Variants in MYOM2 observed in about 807,000 individuals in gnomAD.
MYOM2 encodes the protein myomesin 2, also known as myomesin-2.
In MYOM2, 254 loss-of-function variants were observed where a neutral mutation model predicts 187.6. The ratio of observed to expected loss-of-function variants is 1.35; its 90% CI spans 1.22 to 1.50. The LOEUF is 1.50. MYOM2 is among the 40% of genes most tolerant of loss of function. The probability of loss-of-function intolerance (pLI) is 0.00; values close to 1 mark genes in which losing one functional copy is unlikely to be tolerated. For synonymous variants in MYOM2, 981 were observed against 753.8 expected (o/e 1.30, Z -4.94); for missense variants, 2,796 against 1,924.0 (o/e 1.45, Z -8.48).
chr8:2,111,904 T>C (rs1458678692), intron 25 of MYOM2, among the ~76,000 whole-genome samples: 2 of 152,264 alleles, frequency 1.3e-5, no homozygotes, highest in African/African-American at 4.8e-5. Context: ...CTGTGTGATC[T>C]ACATCTCTGA....
At chr8:2,127,946 A>G (rs970567966) in intron 31 of MYOM2, 1 of 152,328 alleles carries the variant, frequency 6.6e-6, no homozygotes, top group African/African-American at 2.4e-5. Flanking sequence ...CTTCACCATC[A>G]TAACAGTTTC....
chr8:2,101,077 G>A, intron 20 of MYOM2, 23 bp downstream of exon 20: 1 of 1,611,822 alleles, frequency 6.2e-7, no homozygotes, highest in Non-Finnish European at 8.5e-7. Flanking sequence ...CGGCTGTGGT[G>A]GCTCATGCCT....
Position 2,073,387 on chromosome 8 carries a change from G to A in MYOM2, c.1007G>A (p.Gly336Asp), listed in dbSNP as rs1398647322. ...TGGACGAAGATGTTCTTTGGAGAAGGCCAGGCCTCCCTGTCCTTCAGCCAC... is the reference window on the plus strand; with the variant it reads ...TGGACGAAGATGTTCTTTGGAGAAGACCAGGCCTCCCTGTCCTTCAGCCAC... ...SKWTKMFFGE[G>D]QASLSFSHLH... The change falls in exon 10 of 37, where the codon GGC becomes GAC. Residue 336 changes from glycine to aspartate, a missense_variant. Transcript: ENST00000262113. 1.2e-6 allele frequency: 2 copies of A among 1,613,342 alleles called. No homozygotes were observed. The highest frequency in any genetic ancestry group is 1.1e-5 in the South Asian group (1 of 90,908).
intron 32 of MYOM2, among the ~76,000 whole-genome samples, chr8:2,132,762 C>G (rs969350101): frequency 6.6e-6 from 1 of 152,184 alleles, no homozygotes; most frequent in African/African-American, 2.4e-5. Flanking sequence ...ATGCTTCAAA[C>G]TCCAAATGTG....
intron 6 of MYOM2, among the ~76,000 whole-genome samples, chr8:2,065,287 C>T (rs1415864466): frequency 6.6e-6 from 1 of 152,124 alleles, no homozygotes; most frequent in Non-Finnish European, 1.5e-5. Context: ...AAAGCCTTGG[C>T]AGGCCAGGCA....
intron 6 of MYOM2, among the ~76,000 whole-genome samples, chr8:2,062,406 G>A (rs146302206): frequency 0.019 from 2,941 of 152,302 alleles, 37 homozygotes; most frequent in Middle Eastern, 0.048. Flanking sequence ...GGGAGCAGGG[G>A]AGTGGGAAGA....
At chr8:2,117,460 C>G (rs573414468) in intron 27 of MYOM2, among the ~76,000 whole-genome samples, 6 of 152,154 alleles carry the variant, frequency 3.9e-5, no homozygotes, top group Non-Finnish European at 5.9e-5. Flanking sequence ...ACTGTTGTTT[C>G]TTTATCTCAT....
At chr8:2,116,144 T>C (rs759496947) in intron 26 of MYOM2, 40 bp downstream of exon 26, 2 of 1,603,736 alleles carry the variant, frequency 1.2e-6, no homozygotes, top group Non-Finnish European at 1.7e-6. Context: ...TACAAGATAA[T>C]TCAAATGAAA....
intron 6 of MYOM2, 57 bp from the exon 7 acceptor site, chr8:2,069,221 G>T (rs1354161753): frequency 3.3e-6 from 5 of 1,529,790 alleles, no homozygotes; most frequent in Non-Finnish European, 1.8e-6. Flanking sequence ...TGCAATTCGG[G>T]TCACTGACTT....
chr8:2,104,476 G>A (rs761567692), intron 21 of MYOM2, among the ~76,000 whole-genome samples: 1 of 151,982 alleles, frequency 6.6e-6, no homozygotes, highest in African/African-American at 2.4e-5. Flanking sequence ...ATGGTGTTGG[G>A]CGCCTGTAGT....
intron 17 of MYOM2, among the ~76,000 whole-genome samples, 197 bp downstream of exon 17, chr8:2,094,288 G>A (rs1796408163): frequency 6.6e-6 from 1 of 152,162 alleles, no homozygotes; most frequent in Admixed American, 6.5e-5. Flanking sequence ...AGGGAGAAAT[G>A]ATAATACACT....
chr8:2,060,462 G>A (rs1304901522), intron 6 of MYOM2, among the ~76,000 whole-genome samples: 2 of 152,144 alleles, frequency 1.3e-5, no homozygotes, highest in Non-Finnish European at 2.9e-5. Flanking sequence ...GCTTGTGTGT[G>A]TAGTCAGTTA....
At chr8:2,143,284 T>G in intron 35 of MYOM2, 117 bp from the exon 36 acceptor site, 1 of 1,161,428 alleles carries the variant, frequency 8.6e-7, no homozygotes, top group Non-Finnish European at 1.3e-6. Flanking sequence ...GCTCGCTCTC[T>G]CCTGAGCATA....
chr8:2,111,631 C>G (rs189932248), intron 25 of MYOM2, among the ~76,000 whole-genome samples: 1 of 152,296 alleles, frequency 6.6e-6, no homozygotes, highest in East Asian at 1.9e-4. Flanking sequence ...CCAAGGTCCA[C>G]GGGACGGTGT....
In MYOM2 at chr8:2,124,227, T is replaced by C. The variant is rs745692085; in HGVS notation, c.3694+10T>C. On this transcript the variant is annotated intron_variant, in intron 31 of 36. Transcript: ENST00000262113. Reference sequence around the variant, plus strand: ...ATGAGTAGAGTCTGTGGTAAGTAAATGCCTTTTAATTTTCAAGTCATTTGG... The same window carrying C: ...ATGAGTAGAGTCTGTGGTAAGTAAACGCCTTTTAATTTTCAAGTCATTTGG... 1.1e-5 allele frequency: 18 copies of C among 1,609,796 alleles called. No individual in the cohort carries two copies. Among genetic ancestry groups the C allele is most frequent in the Middle Eastern group, 1.6e-4 (1 of 6,080 alleles).
chr8:2,144,652 T>C lies in MYOM2; in HGVS notation c.4081-12T>C. ...TAACTCTTCCTTCTCCACCAACCTC[T>C]TCCGTCCAAAGACCTTGAATCTGAC... is the stretch of plus-strand genomic sequence containing the variant. On this transcript the variant is annotated splice_polypyrimidine_tract_variant and intron_variant, in intron 36 of 36. Coordinates refer to ENST00000262113, the MANE Select transcript of MYOM2 (RefSeq NM_003970.4). The C allele has an allele frequency of 6.2e-7, 1 of 1,612,226 alleles. No homozygotes were observed. Among genetic ancestry groups the C allele is most frequent in the Non-Finnish European group, 8.5e-7 (1 of 1,179,598 alleles).
At chr8:2,104,446 A>C (rs1048183435) in intron 21 of MYOM2, among the ~76,000 whole-genome samples, 1 of 152,062 alleles carries the variant, frequency 6.6e-6, no homozygotes. Flanking sequence ...ACTAAAAAAT[A>C]CAAAAAGAAT....
Position 2,140,881 on chromosome 8 carries a change from G to A in MYOM2, c.3959G>A (p.Gly1320Glu). The A allele has an allele frequency of 6.2e-7, 1 of 1,608,506 alleles. No homozygotes were observed. Among genetic ancestry groups the A allele is most frequent in the Non-Finnish European group, 8.5e-7 (1 of 1,176,940 alleles). The part of the protein sequence containing the change: ...DNHQRSLDLS[G>E]QAFDEAFAEF... ...CATCAACGCTCCCTTGACCTGTCCG[G>A]ACAAGGTAAGAGAATTCTTCTTTAG... The change falls in exon 33 of 37, where the codon GGA becomes GAA. Residue 1320 changes from glycine to glutamate, a missense_variant. Physicochemically the swap from Gly to Glu is moderately conservative, Grantham distance 98. Coordinates refer to ENST00000262113, the MANE Select transcript of MYOM2 (RefSeq NM_003970.4).
At chr8:2,142,064 T>A (rs1585983715) in intron 34 of MYOM2, among the ~76,000 whole-genome samples, 1 of 122,014 alleles carries the variant, frequency 8.2e-6, no homozygotes. Context: ...TCCAGTGCAA[T>A]CTAGTGAATT....
Sources: allele counts gnomAD v4.1 joint callset (sites outside exome capture counted in the v4.1 genomes callset), GRCh38; gene constraint gnomAD v4.1.1; transcripts MANE v1.5; gene names NCBI Gene and HGNC (gene_info 2026-07-23, HGNC 2026-07-21).